NCOR2: variants seen among roughly 807,000 people sequenced by gnomAD.
The protein encoded by NCOR2 is nuclear receptor corepressor 2.
NCOR2 carries 81 observed loss-of-function variants against 262.9 expected under a neutral mutation model. The observed-to-expected ratio is 0.31, with a 90% CI of 0.26 to 0.37. The LOEUF is 0.37. Among genes scored for constraint, NCOR2 ranks in the 10% least tolerant of loss-of-function variants. The pLI is 1.00. For synonymous variants in NCOR2, 1,659 were observed against 1,559.3 expected, an observed-to-expected ratio of 1.06 and a Z score of -1.51; for missense variants, 3,385 against 3,621.4, an observed-to-expected ratio of 0.93 and a Z score of 1.68.
rs114607200 is a variant in NCOR2 at position 124,421,611 on chromosome 12, T to A, written c.1383+890A>T. Among the ~76,000 whole-genome samples the A allele has an allele frequency of 5.6e-3, 857 of 152,264 alleles. 16 individuals carry two copies. Among genetic ancestry groups the A allele is most frequent in the African/African-American group, 0.02 (829 of 41,554 alleles). On this transcript the variant is annotated intron_variant, in intron 12 of 46. Coordinates refer to ENST00000405201, the Ensembl canonical transcript of NCOR2. ...AAGTGCCTCATCCTCCTGGCCTCCC[T>A]CCTACAACCAGGAAGCCCGAGCAGG...
At chr12:124,376,205 A>T (rs1245644661) in intron 18 of NCOR2, among the ~76,000 whole-genome samples, 4 of 152,126 alleles carry the variant, frequency 2.6e-5, no homozygotes, top group Non-Finnish European at 4.4e-5. Flanking sequence ...ACTGTCACAG[A>T]AGCCTCAGCT....
intron 31 of NCOR2, 77 bp from the exon 34 acceptor site, chr12:124,345,028 CA>C: frequency 7.5e-7 from 1 of 1,336,244 alleles, no homozygotes; most frequent in East Asian, 2.5e-5. Flanking sequence ...TTCTGAGCCT[CA>C]AAAAGTTTGT....
At chr12:124,338,566 C>G (rs2036099640) in intron 37 of NCOR2, among the ~76,000 whole-genome samples, 1 of 151,812 alleles carries the variant, frequency 6.6e-6, no homozygotes, top group Non-Finnish European at 1.5e-5. Flanking sequence ...ACCCCACCCC[C>G]CTGGTGAAGC....
intron 26 of NCOR2, 116 bp downstream of exon 28, chr12:124,354,362 G>C: frequency 3.3e-6 from 4 of 1,215,458 alleles, no homozygotes; most frequent in South Asian, 2.9e-5. Context: ...GCTGTGAAGA[G>C]GGGCCCCCAG....
chr12:124,417,293 A>ACACTCACTCCACGGACAGCAG (rs2042961255), intron 13 of NCOR2, among the ~76,000 whole-genome samples: 2 of 90,672 alleles, frequency 2.2e-5, no homozygotes, highest in East Asian at 3.8e-4. Context: ...ACGAAGAGCA[A>ACACTCACTCCACGGACAGCAG]GCCGGACACT....
chr12:124,428,798 A>C (rs1174797731), intron 10 of NCOR2, among the ~76,000 whole-genome samples: 1 of 152,232 alleles, frequency 6.6e-6, no homozygotes, highest in Non-Finnish European at 1.5e-5. Flanking sequence ...AAAGGGCTAT[A>C]ATCTCCCATC....
intron 8 of NCOR2, among the ~76,000 whole-genome samples, chr12:124,436,053 T>C (rs1171551815): frequency 6.6e-6 from 1 of 152,242 alleles, no homozygotes; most frequent in Non-Finnish European, 1.5e-5. Flanking sequence ...ACGCACGACC[T>C]GTCCCTGCAG....
chr12:124,415,802 C>T (rs1380711372), intron 13 of NCOR2, among the ~76,000 whole-genome samples: 1 of 152,156 alleles, frequency 6.6e-6, no homozygotes, highest in Non-Finnish European at 1.5e-5. Flanking sequence ...GGCATGTTTC[C>T]TCCCTGCTAT....
intron 3 of NCOR2, among the ~76,000 whole-genome samples, chr12:124,479,996 C>T (rs984151736): frequency 1.3e-5 from 2 of 152,248 alleles, no homozygotes; most frequent in African/African-American, 2.4e-5. Flanking sequence ...AGGCAGTCGG[C>T]GCTCACTTAA....
At chr12:124,337,279 C>CCTGGGATAAATCCAAAT (rs2035975544) in intron 37 of NCOR2, 99 bp from the exon 40 acceptor site, 1 of 1,362,326 alleles carries the variant, frequency 7.3e-7, no homozygotes, top group Admixed American at 2.0e-5. Context: ...ATCCACATCC[C>CCTGGGATAAATCCAAAT]CTGCTGCTCC....
At chr12:124,399,142 C>G (rs923358489) in intron 15 of NCOR2, among the ~76,000 whole-genome samples, 1 of 152,032 alleles carries the variant, frequency 6.6e-6, no homozygotes, top group African/African-American at 2.4e-5. Flanking sequence ...ACGGCCCCCA[C>G]CCCCATGGGC....
At position 124,503,613 on chromosome 12, in the gene NCOR2, C is replaced by CGGATGGATGGATGGATGGAT. The variant is rs771565942; in HGVS notation, c.-117-8265_-117-8246dup. Among the ~76,000 whole-genome samples, 1 of 139,104 alleles carries CGGATGGATGGATGGATGGAT rather than the reference C, an allele frequency of 7.2e-6. No individual in the cohort carries two copies. The highest frequency in any genetic ancestry group is 1.5e-5 in the Non-Finnish European group (1 of 65,202). 91.3% of individuals were successfully genotyped at this position (139,104 alleles called of 152,430 possible). On this transcript the variant is annotated intron_variant, in intron 1 of 46. Coordinates refer to the NCOR2 transcript ENST00000404621. The surrounding 1 kb of genome is among the most constrained non-coding windows in gnomAD (Gnocchi z 4.3). ...ACGGATGGATGGATGGACGGACGGA[C>CGGATGGATGGATGGATGGAT]GGATGGATGGATGGATGGATGGGCG...
chr12:124,428,328 T>C (rs1021332769), intron 10 of NCOR2, among the ~76,000 whole-genome samples: 1 of 152,242 alleles, frequency 6.6e-6, no homozygotes, highest in African/African-American at 2.4e-5. Flanking sequence ...CTCTGTTTTC[T>C]GTCAACTGGA....
rs1288604040 is a variant in NCOR2 at position 124,517,117 on chromosome 12, C to A, written c.-118+18448G>T. 2.6e-5 allele frequency among the ~76,000 whole-genome samples: 4 copies of A among 151,916 alleles called. No individual in the cohort carries two copies. The highest frequency in any genetic ancestry group is 9.7e-5 in the African/African-American group (4 of 41,360). On this transcript the variant is annotated intron_variant, in intron 1 of 46. Coordinates refer to the NCOR2 transcript ENST00000404621. The surrounding 1 kb of genome is among the most constrained non-coding windows in gnomAD (Gnocchi z 7.6). ...CCATGCTTGTGTAGACCCCACTGTG[C>A]CCCATTTTACAGACGAGGAAACTGA...
chr12:124,429,304 AGAGT>A, intron 10 of NCOR2: 1 of 386,072 alleles, frequency 2.6e-6, no homozygotes. Flanking sequence ...GGAGATGGGA[AGAGT>A]GAGAGGCAGG....
exon 43 of NCOR2, chr12:124,332,432 T>C (rs1486507274): frequency 4.3e-6 from 7 of 1,614,240 alleles, no homozygotes; most frequent in Non-Finnish European, 5.1e-6. Flanking sequence ...GGCTGGCGGC[T>C]GGCTGGTGTT....
intron 20 of NCOR2, among the ~76,000 whole-genome samples, chr12:124,364,588 G>A (rs1185297801): frequency 1.3e-5 from 2 of 152,230 alleles, no homozygotes; most frequent in Non-Finnish European, 2.9e-5. Flanking sequence ...GTGCCTGGCA[G>A]AGCGTGCATT....
In NCOR2 at chr12:124,331,460, A is replaced by AT. The variant is rs776685556; in HGVS notation, c.6905-563dup. On this transcript the variant is annotated intron_variant, in intron 43 of 46. Coordinates refer to ENST00000405201, the Ensembl canonical transcript of NCOR2. ...CTGGAGTTACCAGCCTGGGTCAGAG[A>AT]TTTTTTTTTTTTTTAAGACAGTGTC... 4.1e-3 allele frequency: 557 copies of AT among 136,648 alleles called. 9 individuals carry two copies. In the East Asian group the frequency reaches 0.052, roughly 13 times the overall value. 8.5% of individuals were successfully genotyped at this position (136,648 alleles called of 1,614,324 possible).
chr12:124,373,299 G>GC (rs58951225), intron 19 of NCOR2, among the ~76,000 whole-genome samples: 634 of 25,750 alleles, frequency 0.025, 5 homozygotes, highest in Admixed American at 0.05. Context: ...GTGTGCAGGG[G>GC]CCCGGGCACA....
Sources: gnomAD v4.1 joint callset for allele counts (sites outside exome capture counted in the v4.1 genomes callset) on GRCh38, gnomAD v4.1.1 for gene constraint, Gnocchi (gnomAD v3.1) non-coding constraint, MANE v1.5 for transcripts, NCBI Gene and HGNC (gene_info 2026-07-23, HGNC 2026-07-21) for gene names.